PDE4B: variants seen among roughly 807,000 people sequenced by gnomAD.
PDE4B encodes 3',5'-cyclic-AMP phosphodiesterase 4B.
In PDE4B, 20 loss-of-function variants were observed where a neutral mutation model predicts 82.2. The ratio of observed to expected loss-of-function variants is 0.24; its 90% confidence interval spans 0.17 to 0.35. The LOEUF (loss-of-function observed/expected upper bound fraction) is 0.35, where lower values mean the gene tolerates loss of function less well. PDE4B is among the 10% of genes least tolerant of loss of function. PDE4B has a pLI of 1.00. For missense variants in PDE4B, 655 were observed against 907.2 expected (o/e 0.72, Z 3.57); for synonymous variants, 320 against 318.9 (o/e 1.00, Z -0.04).
chr1:65,796,077 T>C (rs1645628771), intron 1 of PDE4B, among the ~76,000 whole-genome samples: 1 of 152,186 alleles, frequency 6.6e-6, no homozygotes, highest in Admixed American at 6.5e-5. Flanking sequence ...CAATGAGAAA[T>C]TTGTTGTTGT....
chr1:66,290,804 A>G (rs1482561452), intron 7 of PDE4B, among the ~76,000 whole-genome samples: 3 of 152,200 alleles, frequency 2.0e-5, no homozygotes, highest in Non-Finnish European at 4.4e-5. Flanking sequence ...TCCACCCACC[A>G]GGCTACCCCT....
intron 9 of PDE4B, among the ~76,000 whole-genome samples, chr1:66,357,185 A>G (rs549815323): frequency 2.0e-5 from 3 of 152,328 alleles, no homozygotes; most frequent in South Asian, 4.1e-4. Flanking sequence ...AAGACTTCTC[A>G]GAAGAGACAC....
chr1:66,269,685 T>A (rs1655322542), intron 7 of PDE4B, among the ~76,000 whole-genome samples: 1 of 152,232 alleles, frequency 6.6e-6, no homozygotes, highest in Non-Finnish European at 1.5e-5. Context: ...ATTGTCGCCT[T>A]TTTTCCATTC....
intron 3 of PDE4B, among the ~76,000 whole-genome samples, chr1:66,008,598 A>ATTGCTGTATT (rs1193118820): frequency 6.6e-6 from 1 of 151,990 alleles, no homozygotes; most frequent in Admixed American, 6.6e-5. Context: ...TCCTCTATCT[A>ATTGCTGTATT]TTGCTGTATT....
At chr1:66,254,101 C>T (rs76412988) in intron 4 of PDE4B, among the ~76,000 whole-genome samples, 3,514 of 152,150 alleles carry the variant, frequency 0.023, 80 homozygotes, top group Non-Finnish European at 0.036. Context: ...TCTGGAAATC[C>T]GGGAGTCATA....
At chr1:65,902,552 G>C (rs1266068110) in intron 1 of PDE4B, among the ~76,000 whole-genome samples, 1 of 152,018 alleles carries the variant, frequency 6.6e-6, no homozygotes, top group Non-Finnish European at 1.5e-5. Flanking sequence ...CTAAGTTATT[G>C]TCACACCTTG....
chr1:66,018,399 G>A (rs952897261), intron 3 of PDE4B, among the ~76,000 whole-genome samples: 1 of 152,052 alleles, frequency 6.6e-6, no homozygotes, highest in East Asian at 1.9e-4. Context: ...CAGCCTGGGC[G>A]ACAGGGTGAG....
At chr1:65,933,515 A>G (rs1219519485) in intron 3 of PDE4B, among the ~76,000 whole-genome samples, 1 of 152,170 alleles carries the variant, frequency 6.6e-6, no homozygotes, top group Non-Finnish European at 1.5e-5. Context: ...CAATATAGTG[A>G]AACCCCATCT....
At chr1:65,922,988 T>G (rs1182621685) in intron 3 of PDE4B, among the ~76,000 whole-genome samples, 1 of 152,162 alleles carries the variant, frequency 6.6e-6, no homozygotes, top group Non-Finnish European at 1.5e-5. Flanking sequence ...ACTGCCCTTT[T>G]GAGTATTCCC....
chr1:65,945,053 G>A (rs1648639158), intron 3 of PDE4B, among the ~76,000 whole-genome samples: 1 of 151,984 alleles, frequency 6.6e-6, no homozygotes, highest in South Asian at 2.1e-4. Context: ...GGAGAGTAAA[G>A]TTGAGCAAAG....
intron 3 of PDE4B, among the ~76,000 whole-genome samples, chr1:66,161,309 A>G (rs1020123954): frequency 1.3e-5 from 2 of 151,810 alleles, no homozygotes; most frequent in South Asian, 2.1e-4. Context: ...ATCACACACA[A>G]TGGTCTTTTT....
At chr1:66,314,113 C>G (rs1228292030) in intron 7 of PDE4B, among the ~76,000 whole-genome samples, 1 of 152,148 alleles carries the variant, frequency 6.6e-6, no homozygotes, top group Non-Finnish European at 1.5e-5. Flanking sequence ...TAAACATATA[C>G]TTTTTCCTTC....
chr1:66,329,612 G>A (rs1659968382), intron 7 of PDE4B, among the ~76,000 whole-genome samples: 1 of 152,066 alleles, frequency 6.6e-6, no homozygotes, highest in African/African-American at 2.4e-5. Flanking sequence ...CCAGGCCTTA[G>A]GATTTCTCCA....
intron 1 of PDE4B, among the ~76,000 whole-genome samples, chr1:65,827,078 A>G (rs1453878279): frequency 6.6e-6 from 1 of 152,218 alleles, no homozygotes; most frequent in Admixed American, 6.5e-5. Context: ...GCGTGTAATC[A>G]TAGCAACTGC....
chr1:65,918,941 A>C (rs1242015753), intron 3 of PDE4B, 106 bp downstream of exon 3: 1 of 705,694 alleles, frequency 1.4e-6, no homozygotes, highest in Non-Finnish European at 2.5e-6. Flanking sequence ...AATACCTAAG[A>C]TGATTGACAT....
At chr1:66,060,685 T>TA (rs956921172) in intron 3 of PDE4B, among the ~76,000 whole-genome samples, 26 of 152,318 alleles carry the variant, frequency 1.7e-4, no homozygotes, top group Non-Finnish European at 3.4e-4. Context: ...ACATAGCTAC[T>TA]AAAAAATTTA....
chr1:65,794,045 ATG>A (rs147045433), intron 1 of PDE4B, among the ~76,000 whole-genome samples: 9,567 of 151,820 alleles, frequency 0.063, 678 homozygotes, highest in African/African-American at 0.16. Flanking sequence ...GTAGTTATAT[ATG>A]TGTGTGTGTG....
intron 8 of PDE4B, among the ~76,000 whole-genome samples, chr1:66,339,577 C>T (rs1431744053): frequency 6.6e-6 from 1 of 152,122 alleles, no homozygotes; most frequent in Non-Finnish European, 1.5e-5. Flanking sequence ...AGGACATTGC[C>T]TTTGATTGTT....
At chr1:66,102,146 T>A (rs1645238226) in intron 3 of PDE4B, among the ~76,000 whole-genome samples, 1 of 152,166 alleles carries the variant, frequency 6.6e-6, no homozygotes, top group African/African-American at 2.4e-5. Flanking sequence ...TGTTTGTAGA[T>A]GTGTGGTACT....
Sources: allele counts gnomAD v4.1 joint callset (sites outside exome capture counted in the v4.1 genomes callset), GRCh38; gene constraint gnomAD v4.1.1; transcripts MANE v1.5; gene names NCBI Gene and HGNC (gene_info 2026-07-23, HGNC 2026-07-21).